VTN: variants seen among roughly 807,000 people sequenced by gnomAD.
VTN encodes vitronectin, also known as complement S-protein.
Under a neutral mutation model 55.9 loss-of-function variants are expected in VTN, and 45 were observed. That is an observed-to-expected ratio of 0.80 (90% CI 0.63 to 1.03). VTN has a LOEUF of 1.03. Among genes scored for constraint, VTN ranks in the 50% least tolerant of loss-of-function variants. VTN has a pLI of 0.00. For missense variants in VTN, 589 were observed against 638.2 expected, an observed-to-expected ratio of 0.92 and a Z score of 0.83; for synonymous variants, 238 against 242.3, an observed-to-expected ratio of 0.98 and a Z score of 0.17.
chr17:28,368,848 A>T, intron 5 of VTN, 24 bp downstream of exon 5: 2 of 1,613,274 alleles, frequency 1.2e-6, no homozygotes, highest in Non-Finnish European at 1.7e-6. Context: ...CTGCCTGCTC[A>T]GTCTCCCACC....
In VTN at chr17:28,369,850, C is replaced by T. The variant is rs924108792; in HGVS notation, c.186G>A (p.Val62=). 14 of 1,612,272 alleles carry T rather than the reference C, an allele frequency of 8.7e-6. No individual in the cohort carries two copies. The African/African-American group carries it at 1.6e-4, about 18-fold the overall frequency. ...GCATAGTGAACACATCCCCGCGAGT[C>T]ACTGCAGAGAGTGGATGGTAGTGAG... ...TDYTAECKPQ[V]TRGDVFTMPE... The change falls in exon 3 of 8, where the codon GTG becomes GTA. Residue 62 remains valine (V), a splice_region_variant and synonymous_variant. Coordinates refer to ENST00000226218, the MANE Select transcript of VTN (RefSeq NM_000638.4). The surrounding 1 kb of genome is among the most constrained non-coding windows in gnomAD (Gnocchi z 5.3).
At position 28,369,734 on chromosome 17, in the gene VTN, T is replaced by G. The variant is rs1012667049; in HGVS notation, c.302A>C (p.Asp101Ala). ...ATTCCCTTTGGACTGGGCCTGGAGG[T>G]CAGAGGTCAGGGAGGGGCCCCCCAC... ...EQVGGPSLTS[D>A]LQAQSKGNPE... Residue 101 changes from aspartate (D) to alanine (A), a missense_variant, in exon 3 of 8, where the codon GAC becomes GCC. Transcript: ENST00000226218. This position sits in a 1 kb window ranked among gnomAD's most constrained non-coding sequence, Gnocchi z 5.3. 2.5e-6 allele frequency: 4 copies of G among 1,613,628 alleles called. No homozygotes were observed. In the East Asian group the frequency reaches 6.7e-5, roughly 27 times the overall value.
Position 28,367,498 on chromosome 17 carries a change from CAG to C in VTN, c.1325-19_1325-18del. 6.2e-7 allele frequency: 1 copy of C among 1,608,494 alleles called. No individual in the cohort carries two copies. The highest frequency in any genetic ancestry group is 8.5e-7 in the Non-Finnish European group (1 of 1,175,652). On this transcript the variant is annotated intron_variant, in intron 7 of 7. Coordinates refer to ENST00000226218, the MANE Select transcript of VTN (RefSeq NM_000638.4). ...AGTACTTGTCTGGAAGAGAGGAAAG[CAG>C]AGGATGCGTGAGGCCCAGCCTGGCC...
In VTN at chr17:28,369,670, G is replaced by T. The variant is rs781814928; in HGVS notation, c.366C>A (p.Ala122=). The change falls in exon 3 of 8, where the codon GCC becomes GCA. Residue 122 remains alanine, a synonymous_variant. Transcript: ENST00000226218. This position sits in a 1 kb window ranked among gnomAD's most constrained non-coding sequence, Gnocchi z 5.3. ...QTPVLKPEEE[A]PAPEVGASKP... Reference sequence around the variant, plus strand: ...TAGAGGCGCCCACCTCAGGCGCAGGGGCCTCTTCCTCAGGTTTCAGAACAG... The same window carrying T: ...TAGAGGCGCCCACCTCAGGCGCAGGTGCCTCTTCCTCAGGTTTCAGAACAG... The T allele has an allele frequency of 4.3e-6, 7 of 1,613,638 alleles. No homozygotes were observed. Among genetic ancestry groups the T allele is most frequent in the Non-Finnish European group, 5.9e-6 (7 of 1,180,006 alleles).
Position 28,369,530 on chromosome 17 carries a change from T to C in VTN, c.506A>G (p.Asn169Ser). The change falls in exon 3 of 8, where the codon AAC becomes AGC. Residue 169 changes from asparagine (N) to serine (S), a missense_variant. Coordinates refer to ENST00000226218, the MANE Select transcript of VTN (RefSeq NM_000638.4). This position sits in a 1 kb window ranked among gnomAD's most constrained non-coding sequence, Gnocchi z 5.3. ...ACCTCGGAAGGCAAAGAGGGAACCG[T>C]TCTTGAGGTCGGTGAAGGCGTCGAA... ...KPFDAFTDLK[N>S]GSLFAFRGQY... The C allele has an allele frequency of 6.2e-7, 1 of 1,608,402 alleles. No homozygotes were observed. The highest frequency in any genetic ancestry group is 8.5e-7 in the Non-Finnish European group (1 of 1,178,918).
Position 28,369,510 on chromosome 17 carries a change from G to A in VTN, c.526C>T (p.Arg176Ter), listed in dbSNP as rs782162923. ...DLKNGSLFAF[R>*]GQYCYELDEK... Reference sequence around the variant, plus strand: ...CCAGTACCTGCCCTGGATTCACCTCGGAAGGCAAAGAGGGAACCGTTCTTG... The same window carrying A: ...CCAGTACCTGCCCTGGATTCACCTCAGAAGGCAAAGAGGGAACCGTTCTTG... The change falls in exon 3 of 8, where the codon CGA becomes TGA. Residue 176 changes from arginine (R) to a stop codon, truncating the protein, a stop_gained. Coordinates refer to ENST00000226218, the MANE Select transcript of VTN (RefSeq NM_000638.4). LOFTEE classifies it high-confidence loss of function. This position sits in a 1 kb window ranked among gnomAD's most constrained non-coding sequence, Gnocchi z 5.3. 1.4e-5 allele frequency: 22 copies of A among 1,602,988 alleles called. No homozygotes were observed. Among genetic ancestry groups the A allele is most frequent in the African/African-American group, 6.7e-5 (5 of 74,666 alleles).
chr17:28,367,316 A>C lies in VTN; in HGVS notation c.*53T>G. On this transcript the variant is annotated 3_prime_UTR_variant, in exon 8 of 8. Coordinates refer to ENST00000226218, the MANE Select transcript of VTN (RefSeq NM_000638.4). The stretch of plus-strand genomic sequence containing the variant: ...TAAGGGACCTTTATTGGGCTGGGGG[A>C]AGGAGATGGGAGGAGGGAGCTACAG... The C allele has an allele frequency of 7.9e-7, 1 of 1,261,278 alleles. No individual in the cohort carries two copies. 78.1% of individuals were successfully genotyped at this position (1,261,278 alleles called of 1,614,324 possible).
In VTN at chr17:28,367,329, G is replaced by A. The variant is rs1396665803; in HGVS notation, c.*40C>T. The A allele has an allele frequency of 2.2e-6, 3 of 1,386,020 alleles. No individual in the cohort carries two copies. The highest frequency in any genetic ancestry group is 2.0e-4 in the Middle Eastern group (1 of 5,014). The allele number at this position is 1,386,020 out of a possible 1,614,324, so 85.9% of individuals were successfully genotyped here. Reference sequence around the variant, plus strand: ...TTGGGCTGGGGGAAGGAGATGGGAGGAGGGAGCTACAGAGGGCCCGGCCAT... The same window carrying A: ...TTGGGCTGGGGGAAGGAGATGGGAGAAGGGAGCTACAGAGGGCCCGGCCAT... On this transcript the variant is annotated 3_prime_UTR_variant, in exon 8 of 8. Transcript: ENST00000226218.
intron 1 of VTN, 46 bp from the exon 2 acceptor site, chr17:28,370,092 C>G (rs781913254): frequency 6.2e-7 from 1 of 1,613,748 alleles, no homozygotes; most frequent in Non-Finnish European, 8.5e-7. Flanking sequence ...CCAGACCACC[C>G]TCGCCCTCCC....
Position 28,369,112 on chromosome 17 carries a change from C to A in VTN, c.670-84G>T. On this transcript the variant is annotated intron_variant, in intron 4 of 7. Transcript: ENST00000226218. The surrounding 1 kb of genome is among the most constrained non-coding windows in gnomAD (Gnocchi z 5.3). ...AGTCCCTTGCCCTAAGGCAGCCGTTCCCAGGTCCAGGTTCACTGCCCAGGA... is the reference window on the plus strand; with the variant it reads ...AGTCCCTTGCCCTAAGGCAGCCGTTACCAGGTCCAGGTTCACTGCCCAGGA... 2 of 1,515,770 alleles carry A rather than the reference C, an allele frequency of 1.3e-6. No individual in the cohort carries two copies. The highest frequency in any genetic ancestry group is 1.3e-5 in the South Asian group (1 of 74,646). 93.9% of individuals were successfully genotyped at this position (1,515,770 alleles called of 1,614,324 possible).
rs782011470 is a variant in VTN at position 28,368,966 on chromosome 17, A to G, written c.732T>C (p.Ser244=). 2 of 1,604,236 alleles carry G rather than the reference A, an allele frequency of 1.2e-6. No homozygotes were observed. Among genetic ancestry groups the G allele is most frequent in the Non-Finnish European group, 1.7e-6 (2 of 1,177,392 alleles). The change falls in exon 5 of 8, where the codon TCT becomes TCC. Residue 244 remains serine, a synonymous_variant. Transcript: ENST00000226218. ...TGTCCGGGATGCCATCGAAGCCGTC[A>G]GAGATATTTCGGGGGTAATCAGGGT... ...VLDPDYPRNI[S]DGFDGIPDNV...
chr17:28,370,192 CA>C lies in VTN; in HGVS notation c.11del (p.Leu4ArgfsTer59), dbSNP rs2067940938. Reference protein sequence around the residue: MAPLRPLLILALLA... With the variant: MAPXRPLLILALLA... ...GCAGGGCCAGTATGAGAAGGGGTCT[CA>C]GGGGTGCCATGGCAGGGCTTCTAGC... On this transcript the variant is annotated frameshift_variant, in exon 1 of 8. Coordinates refer to ENST00000226218, the MANE Select transcript of VTN (RefSeq NM_000638.4). LOFTEE classifies it high-confidence loss of function. 1 of 1,612,994 alleles carries C rather than the reference CA, an allele frequency of 6.2e-7. No homozygotes were observed. The highest frequency in any genetic ancestry group is 1.3e-5 in the African/African-American group (1 of 74,926).
At position 28,370,020 on chromosome 17, in the gene VTN, C is replaced by T. The variant is rs2067939357; in HGVS notation, c.91G>A (p.Gly31Ser). Reference protein sequence around the residue: ...QESCKGRCTEGFNVDKKCQCD... With the variant: ...QESCKGRCTESFNVDKKCQCD... ...TGGCACTTCTTGTCCACGTTGAAGCCCTCAGTGCAGCGGCCCTTGCATGAC... is the reference window on the plus strand; with the variant it reads ...TGGCACTTCTTGTCCACGTTGAAGCTCTCAGTGCAGCGGCCCTTGCATGAC... The change falls in exon 2 of 8, where the codon GGC becomes AGC. Residue 31 changes from glycine (G) to serine (S), a missense_variant. Around this residue, in one of 3 missense-constraint regions of VTN, gnomAD observed 217 missense variants for 241.3 expected, o/e 0.90. Coordinates refer to ENST00000226218, the MANE Select transcript of VTN (RefSeq NM_000638.4). The T allele has an allele frequency of 6.2e-7, 1 of 1,614,134 alleles. No homozygotes were observed. The highest frequency in any genetic ancestry group is 1.1e-5 in the South Asian group (1 of 91,084).
chr17:28,369,822 C>T lies in VTN; in HGVS notation c.214G>A (p.Glu72Lys), dbSNP rs782496984. Residue 72 changes from glutamate (E) to lysine (K), a missense_variant, in exon 3 of 8, where the codon GAG becomes AAG. Glu to Lys is a moderately conservative substitution (Grantham distance 56). Transcript: ENST00000226218. This position sits in a 1 kb window ranked among gnomAD's most constrained non-coding sequence, Gnocchi z 5.3. ...VTRGDVFTMP[E>K]DEYTVYDDGE... is the part of the protein sequence containing the mutation. ...TCGTCATAGACCGTGTACTCATCCT[C>T]CGGCATAGTGAACACATCCCCGCGA... 3.0e-5 allele frequency: 48 copies of T among 1,613,256 alleles called. 1 individual carries two copies. In the South Asian group the frequency reaches 5.2e-4, roughly 17 times the overall value.
Position 28,369,875 on chromosome 17 carries a change from G to A in VTN, c.185-24C>T. ...CACTGCAGAGAGTGGATGGTAGTGA[G>A]TCTCCAGCAGCAGGGGGCACCCCAG... On this transcript the variant is annotated intron_variant, in intron 2 of 7. Transcript: ENST00000226218. The surrounding 1 kb of genome is among the most constrained non-coding windows in gnomAD (Gnocchi z 5.3). 1 of 1,612,256 alleles carries A rather than the reference G, an allele frequency of 6.2e-7. No individual in the cohort carries two copies. The highest frequency in any genetic ancestry group is 8.5e-7 in the Non-Finnish European group (1 of 1,178,582).
chr17:28,369,259 C>A lies in VTN; in HGVS notation c.669+30G>T. The A allele has an allele frequency of 1.3e-6, 2 of 1,553,252 alleles. No homozygotes were observed. Among genetic ancestry groups the A allele is most frequent in the South Asian group, 1.2e-5 (1 of 82,822 alleles). On this transcript the variant is annotated intron_variant, in intron 4 of 7. Coordinates refer to ENST00000226218, the MANE Select transcript of VTN (RefSeq NM_000638.4). The surrounding 1 kb of genome is among the most constrained non-coding windows in gnomAD (Gnocchi z 5.3). ...ATAGCTCTCAAACCCTCCCTAGATG[C>A]TTTCTACCCTGGCCCACAGCCCCTG...
At chr17:28,368,723 G>A (rs1339495287) in intron 5 of VTN, 50 bp from the exon 6 acceptor site, 7 of 1,610,016 alleles carry the variant, frequency 4.3e-6, no homozygotes, top group Non-Finnish European at 5.9e-6. Context: ...GGGCAAGACT[G>A]GAGATCCCAG....
In VTN at chr17:28,368,526, G is replaced by T; in HGVS notation, c.974C>A (p.Thr325Asn). ...GACTTGCCCTCTCTCCATACCAGAG[G>T]TTCTGCCCCAGAAGAGAAGCTCGAA... The part of the protein sequence containing the change: ...DIFELLFWGR[T>N]SAGTRQPQFI... The change falls in exon 6 of 8, where the codon ACC becomes AAC. Residue 325 changes from threonine to asparagine, a missense_variant. Thr to Asn is a moderately conservative substitution (Grantham distance 65). This residue lies in a region of VTN where 334 missense variants were observed against 328.2 expected (regional missense o/e 1.02). Coordinates refer to ENST00000226218, the MANE Select transcript of VTN (RefSeq NM_000638.4). 6.2e-7 allele frequency: 1 copy of T among 1,613,886 alleles called. No individual in the cohort carries two copies. Among genetic ancestry groups the T allele is most frequent in the Non-Finnish European group, 8.5e-7 (1 of 1,180,006 alleles).
In VTN at chr17:28,370,057, G is replaced by T. The variant is rs1555583780; in HGVS notation, c.65-11C>A. 1 of 1,613,986 alleles carries T rather than the reference G, an allele frequency of 6.2e-7. No individual in the cohort carries two copies. Among genetic ancestry groups the T allele is most frequent in the East Asian group, 2.2e-5 (1 of 44,898 alleles). On this transcript the variant is annotated splice_polypyrimidine_tract_variant and intron_variant, in intron 1 of 7. Transcript: ENST00000226218. Reference sequence around the variant, plus strand: ...GGCCCTTGCATGACTCTATGAGGAAGGAGTGTCAGTCGGTGCCACCAAGCC... The same window carrying T: ...GGCCCTTGCATGACTCTATGAGGAATGAGTGTCAGTCGGTGCCACCAAGCC...
Sources: gnomAD v4.1 joint callset for allele counts on GRCh38, gnomAD v4.1.1 for gene constraint, gnomAD v4.1.1 regional missense constraint, Gnocchi (gnomAD v3.1) non-coding constraint, MANE v1.5 for transcripts, NCBI Gene and HGNC (gene_info 2026-07-23, HGNC 2026-07-21) for gene names.